KIF9: variants seen among roughly 807,000 people sequenced by gnomAD.
KIF9 encodes kinesin-like protein KIF9.
KIF9 carries 68 observed loss-of-function variants against 94.8 expected under a neutral mutation model. The observed-to-expected ratio is 0.72, with a 90% CI of 0.59 to 0.88. The LOEUF (loss-of-function observed/expected upper bound fraction) is 0.88. KIF9 is among the 40% of genes least tolerant of loss of function. The pLI is 0.00. For synonymous variants in KIF9, 343 were observed against 362.1 expected, an observed-to-expected ratio of 0.95 and a Z score of 0.60; for missense variants, 882 against 982.5, an observed-to-expected ratio of 0.90 and a Z score of 1.37.
intron 10 of KIF9, among the ~76,000 whole-genome samples, chr3:47,251,566 AAAC>A (rs1005866504): frequency 2.0e-4 from 31 of 152,342 alleles, no homozygotes; most frequent in Admixed American, 1.3e-3. Context: ...CCTGTCTCAA[AAAC>A]AACAACAACA....
At chr3:47,250,039 T>C (rs1309744115) in intron 10 of KIF9, among the ~76,000 whole-genome samples, 1 of 150,816 alleles carries the variant, frequency 6.6e-6, no homozygotes. Context: ...ATAGAGCGAG[T>C]CACTGTCTCA....
At chr3:47,245,773 C>G in intron 13 of KIF9, 1 of 528,748 alleles carries the variant, frequency 1.9e-6, no homozygotes, top group Non-Finnish European at 3.4e-6. Flanking sequence ...TGATAAGGAC[C>G]GTAAGCTTCA....
rs956178856 is a variant in KIF9, at chr3:47,282,514, C to G, written c.-25G>C. On this transcript the variant is annotated 5_prime_UTR_variant, in exon 1 of 21. Transcript: ENST00000684063. ...GCTCACCGTTCACCAGGCAGCGACG[C>G]TCCCGGGACGCGACTGCCGCAACCG... is the stretch of plus-strand genomic sequence containing the variant. 85 of 997,116 alleles carry G rather than the reference C, an allele frequency of 8.5e-5. No homozygotes were observed. The highest frequency in any genetic ancestry group is 1.0e-4 in the Non-Finnish European group (85 of 836,330). The allele number at this position is 997,116 out of a possible 1,614,324, so 61.8% of individuals were successfully genotyped here. A position where few individuals can be genotyped will look rare whatever the true frequency, so the allele number is the denominator to read the frequency against.
At chr3:47,233,223 TGTG>T (rs1468695258) in intron 20 of KIF9, among the ~76,000 whole-genome samples, 2 of 146,910 alleles carry the variant, frequency 1.4e-5, no homozygotes, top group Non-Finnish European at 3.0e-5. Context: ...ATTAGCTGAG[TGTG>T]GTTGCGGGTG....
Position 47,265,730 on chromosome 3 carries a change from C to T in KIF9, c.916G>A (p.Gly306Arg). 6.2e-7 allele frequency: 1 copy of T among 1,614,040 alleles called. No individual in the cohort carries two copies. The highest frequency in any genetic ancestry group is 8.5e-7 in the Non-Finnish European group (1 of 1,179,926). Residue 306 changes from glycine (G) to arginine (R), a missense_variant and splice_region_variant, in exon 8 of 21, where the codon GGG becomes AGG. Transcript: ENST00000684063. ...CTGGGCAGCAACTGTACCCCCTCAC[C>T]TAACGAGTCCTTCAGAGCGTGGGTG... Reference protein sequence around the residue: ...KLTHALKDSLGGNCNMVLVTN... With the variant: ...KLTHALKDSLRGNCNMVLVTN...
At chr3:47,253,019 T>TA (rs942604201) in intron 10 of KIF9, among the ~76,000 whole-genome samples, 67 of 143,124 alleles carry the variant, frequency 4.7e-4, no homozygotes, top group African/African-American at 1.1e-3. Flanking sequence ...AGACTCCATC[T>TA]AAAAAAAAAA....
intron 8 of KIF9, among the ~76,000 whole-genome samples, chr3:47,265,408 T>C (rs1358204623): frequency 6.6e-6 from 1 of 152,070 alleles, no homozygotes; most frequent in Non-Finnish European, 1.5e-5. Flanking sequence ...GAAGACACCA[T>C]GGGAGAGAGG....
At chr3:47,241,335 T>C (rs1699466241) in intron 16 of KIF9, among the ~76,000 whole-genome samples, 1 of 151,562 alleles carries the variant, frequency 6.6e-6, no homozygotes. Flanking sequence ...TTTTTTTTTT[T>C]CTCGAGACAG....
chr3:47,272,648 A>G (rs554128751), intron 4 of KIF9, among the ~76,000 whole-genome samples: 3 of 152,172 alleles, frequency 2.0e-5, no homozygotes, highest in Non-Finnish European at 4.4e-5. Context: ...TTTTAAATAT[A>G]TTTAGTTAAA....
intron 3 of KIF9, among the ~76,000 whole-genome samples, chr3:47,274,739 CAA>C (rs973095622): frequency 3.9e-5 from 6 of 152,186 alleles, no homozygotes; most frequent in African/African-American, 1.4e-4. Flanking sequence ...TCATGAAAAC[CAA>C]AAGAGAACCT....
intron 3 of KIF9, 115 bp downstream of exon 3, chr3:47,275,210 G>A (rs1466453148): frequency 9.8e-6 from 8 of 816,506 alleles, no homozygotes; most frequent in Non-Finnish European, 1.5e-5. Flanking sequence ...AGAACATGGA[G>A]ACAGACAAAC....
intron 17 of KIF9, chr3:47,240,005 A>C: frequency 1.6e-6 from 2 of 1,231,650 alleles, no homozygotes; most frequent in South Asian, 2.5e-5. Context: ...GTCACTCACT[A>C]AAATGCAGGT....
chr3:47,267,210 T>A lies in KIF9; in HGVS notation c.645A>T (p.Arg215Ser). The change falls in exon 6 of 21, where the codon AGA becomes AGT. Residue 215 changes from arginine (R) to serine (S), a missense_variant. By Grantham distance (110) the Arg-to-Ser change is moderately radical. Transcript: ENST00000684063. The stretch of plus-strand genomic sequence containing the variant: ...AGTAGATGGTGAAAATGCAGTGTGA[T>A]CTGGAAGAGTTTTTGTTCATAGTGT... ...ASHTMNKNSS[R>S]SHCIFTIYLE... The A allele has an allele frequency of 6.2e-7, 1 of 1,613,890 alleles. No homozygotes were observed. Among genetic ancestry groups the A allele is most frequent in the Non-Finnish European group, 8.5e-7 (1 of 1,179,844 alleles).
intron 5 of KIF9, among the ~76,000 whole-genome samples, 176 bp from the exon 6 acceptor site, chr3:47,267,439 A>G (rs1172161028): frequency 3.3e-5 from 5 of 152,264 alleles, no homozygotes; most frequent in Non-Finnish European, 7.3e-5. Flanking sequence ...ATTGGAGTCC[A>G]CATCTACACT....
At chr3:47,241,799 GTATATA>G (rs35832810) in intron 16 of KIF9, among the ~76,000 whole-genome samples, 1 of 133,120 alleles carries the variant, frequency 7.5e-6, no homozygotes, top group African/African-American at 2.9e-5. Flanking sequence ...GTGTATATAT[GTATATA>G]TGTATATATG....
chr3:47,262,746 C>A (rs1366424997), intron 9 of KIF9, among the ~76,000 whole-genome samples: 1 of 152,154 alleles, frequency 6.6e-6, no homozygotes. Flanking sequence ...CACACAGCTG[C>A]GAGACCCTGC....
intron 19 of KIF9, 109 bp from the exon 20 acceptor site, chr3:47,235,726 A>G: frequency 1.2e-6 from 1 of 835,452 alleles, no homozygotes; most frequent in South Asian, 1.5e-5. Context: ...ACACCGCCCC[A>G]CCGCCACCAA....
In KIF9 at chr3:47,257,702, G is replaced by T. The variant is rs533712180; in HGVS notation, c.982-142C>A. 9 of 672,772 alleles carry T rather than the reference G, an allele frequency of 1.3e-5. No homozygotes were observed. In the South Asian group the frequency reaches 1.6e-4, roughly 12 times the overall value. The allele number at this position is 672,772 out of a possible 1,614,324, so 41.7% of individuals were successfully genotyped here. A position where few individuals can be genotyped will look rare whatever the true frequency, so the allele number is the denominator to read the frequency against. Reference sequence around the variant, plus strand: ...CCCATGTTGGTTCCCTTCCCCCAGAGGACATTGGTCAAAAGAGTTCTTGGG... The same window carrying T: ...CCCATGTTGGTTCCCTTCCCCCAGATGACATTGGTCAAAAGAGTTCTTGGG... On this transcript the variant is annotated intron_variant, in intron 9 of 20. Transcript: ENST00000684063.
intron 16 of KIF9, among the ~76,000 whole-genome samples, chr3:47,242,791 T>C (rs958470197): frequency 1.3e-5 from 2 of 152,208 alleles, no homozygotes; most frequent in Admixed American, 1.3e-4. Context: ...GTACAAAAGA[T>C]ACATAACTTT....
Sources: gnomAD v4.1 joint callset for allele counts (sites outside exome capture counted in the v4.1 genomes callset) on GRCh38, gnomAD v4.1.1 for gene constraint, MANE v1.5 for transcripts, NCBI Gene and HGNC (gene_info 2026-07-23, HGNC 2026-07-21) for gene names.